Variants in DNAAF11 observed in about 807,000 individuals in gnomAD.
The protein encoded by DNAAF11 is leucine rich repeat containing 6.
DNAAF11 carries 45 observed loss-of-function variants against 60.8 expected under a neutral mutation model. That is an observed-to-expected ratio of 0.74 (90% CI 0.58 to 0.95). The LOEUF (loss-of-function observed/expected upper bound fraction) is 0.95. DNAAF11 is among the 40% of genes least tolerant of loss of function. The pLI is 0.00. For synonymous variants in DNAAF11, 191 were observed against 183.5 expected (o/e 1.04, Z -0.33); for missense variants, 546 against 546.2 (o/e 1.00, Z 0.00).
intron 1 of DNAAF11, among the ~76,000 whole-genome samples, chr8:132,672,512 G>A (rs1825283399): frequency 6.6e-6 from 1 of 152,146 alleles, no homozygotes; most frequent in Non-Finnish European, 1.5e-5. Flanking sequence ...AAGAGTGCGG[G>A]CTCTGCTTAC....
At chr8:132,646,008 G>C (rs1345770852) in intron 3 of DNAAF11, among the ~76,000 whole-genome samples, 2 of 152,162 alleles carry the variant, frequency 1.3e-5, no homozygotes, top group Non-Finnish European at 2.9e-5. Flanking sequence ...TAATCCTTGA[G>C]AAGAGCAACT....
At chr8:132,661,726 C>T (rs1205782240) in intron 1 of DNAAF11, 99 bp from the exon 2 acceptor site, 2 of 1,259,364 alleles carry the variant, frequency 1.6e-6, no homozygotes, top group Non-Finnish European at 1.1e-6. Context: ...TTTGTTTTTG[C>T]AGTTGAATGT....
At chr8:132,575,648 A>T (rs1814668754) in intron 11 of DNAAF11, among the ~76,000 whole-genome samples, 1 of 152,172 alleles carries the variant, frequency 6.6e-6, no homozygotes, top group East Asian at 1.9e-4. Flanking sequence ...GGAATCATAG[A>T]GTAAGGGAAC....
intron 4 of DNAAF11, among the ~76,000 whole-genome samples, chr8:132,633,171 A>T (rs1820975943): frequency 6.6e-6 from 1 of 152,174 alleles, no homozygotes; most frequent in African/African-American, 2.4e-5. Context: ...TACTAGTAAT[A>T]ATAATAATTA....
Position 132,632,811 on chromosome 8 carries a change from C to A in DNAAF11, c.582G>T (p.Glu194Asp). The change falls in exon 5 of 12, where the codon GAG (glutamate) becomes GAT (aspartate). Residue 194 changes from glutamate to aspartate, a missense_variant. By Grantham distance (45) the Glu-to-Asp change is conservative. Transcript: ENST00000620350. ...TACTTCTCTTGTCTTCATTTTTATC[C>A]TCTTCTTGGTGTTTCCTCTGAGCCT... is the stretch of plus-strand genomic sequence containing the variant. The part of the protein sequence containing the change: ...KEEAQRKHQE[E>D]DKNEDKRSNA... 2 of 1,613,924 alleles carry A rather than the reference C, an allele frequency of 1.2e-6. No individual in the cohort carries two copies. Among genetic ancestry groups the A allele is most frequent in the Non-Finnish European group, 1.7e-6 (2 of 1,179,898 alleles).
chr8:132,576,236 A>C (rs1814734904), intron 11 of DNAAF11, among the ~76,000 whole-genome samples: 1 of 152,136 alleles, frequency 6.6e-6, no homozygotes, highest in Admixed American at 6.6e-5. Flanking sequence ...GCTATTTGTC[A>C]CAAACAAGAT....
intron 1 of DNAAF11, among the ~76,000 whole-genome samples, chr8:132,672,609 T>C (rs973842541): frequency 2.0e-5 from 3 of 152,110 alleles, no homozygotes; most frequent in African/African-American, 7.2e-5. Flanking sequence ...AAAATGGAGG[T>C]GATGATACTA....
the DNAAF11 span, among the ~76,000 whole-genome samples, chr8:132,680,738 A>C: frequency 5.7e-5 from 8 of 140,686 alleles, no homozygotes; most frequent in African/African-American, 1.3e-4. Flanking sequence ...TTTCTTTTTT[A>C]CCCTCCCTTC....
intron 4 of DNAAF11, among the ~76,000 whole-genome samples, chr8:132,637,001 A>C (rs13269286): frequency 6.6e-6 from 1 of 152,210 alleles, no homozygotes; most frequent in African/African-American, 2.4e-5. Flanking sequence ...ATGGAGCCAC[A>C]TGCAGGCTGG....
At chr8:132,658,435 G>GCCT (rs1414082837) in intron 2 of DNAAF11, among the ~76,000 whole-genome samples, 21 of 152,240 alleles carry the variant, frequency 1.4e-4, no homozygotes, top group Admixed American at 1.4e-3. Context: ...CCATTCTCCT[G>GCCT]CCTCAGCCTC....
the DNAAF11 span, among the ~76,000 whole-genome samples, chr8:132,683,811 G>A: frequency 7.0e-6 from 1 of 142,732 alleles, no homozygotes; most frequent in Non-Finnish European, 1.5e-5. Flanking sequence ...CCAGTTTTCT[G>A]CTGGAGAAGC....
intron 3 of DNAAF11, among the ~76,000 whole-genome samples, chr8:132,652,564 A>G (rs1325313409): frequency 6.6e-6 from 1 of 152,188 alleles, no homozygotes; most frequent in Non-Finnish European, 1.5e-5. Flanking sequence ...AGAAGAATAA[A>G]AAGTATGGCC....
At chr8:132,617,390 G>A (rs1819277655) in intron 7 of DNAAF11, among the ~76,000 whole-genome samples, 2 of 152,222 alleles carry the variant, frequency 1.3e-5, no homozygotes, top group South Asian at 4.1e-4. Flanking sequence ...ATTGCTTTAA[G>A]AAGGATGGTA....
chr8:132,602,374 AG>A (rs958514751), intron 10 of DNAAF11, among the ~76,000 whole-genome samples: 1 of 152,038 alleles, frequency 6.6e-6, no homozygotes, highest in Non-Finnish European at 1.5e-5. Context: ...CCCCTTATGT[AG>A]GGTTGTGCTG....
At chr8:132,586,187 G>C (rs1006508411) in intron 10 of DNAAF11, among the ~76,000 whole-genome samples, 10 of 152,216 alleles carry the variant, frequency 6.6e-5, no homozygotes, top group African/African-American at 2.4e-4. Context: ...CAGGGAGGCA[G>C]CAAGACCTCC....
chr8:132,578,168 C>T (rs1563962330), intron 11 of DNAAF11, among the ~76,000 whole-genome samples: 1 of 152,054 alleles, frequency 6.6e-6, no homozygotes, highest in African/African-American at 2.4e-5. Context: ...AATGGCCTAC[C>T]TCATTTCCCA....
chr8:132,641,658 G>A (rs1354973209), intron 3 of DNAAF11, among the ~76,000 whole-genome samples: 2 of 152,140 alleles, frequency 1.3e-5, no homozygotes, highest in African/African-American at 2.4e-5. Flanking sequence ...CTAAAGGACA[G>A]ACAACTTTAA....
At chr8:132,575,819 G>A (rs116144825) in intron 11 of DNAAF11, among the ~76,000 whole-genome samples, 4 of 152,164 alleles carry the variant, frequency 2.6e-5, no homozygotes, top group Non-Finnish European at 5.9e-5. Context: ...AGGTGGGGAT[G>A]GGGGAAGGAG....
At chr8:132,661,394 G>T in intron 2 of DNAAF11, 66 bp downstream of exon 2, 1 of 1,295,202 alleles carries the variant, frequency 7.7e-7, no homozygotes, top group Non-Finnish European at 1.1e-6. Flanking sequence ...AAATAACACA[G>T]CACTTTCCAA....
Sources: gnomAD v4.1 joint callset for allele counts (sites outside exome capture counted in the v4.1 genomes callset) on GRCh38, gnomAD v4.1.1 for gene constraint, MANE v1.5 for transcripts, NCBI Gene and HGNC (gene_info 2026-07-23, HGNC 2026-07-21) for gene names.